The following NAA11 variants were observed in gnomAD, a reference collection of about 807,000 sequenced individuals.
NAA11 encodes N-alpha-acetyltransferase 11.
In NAA11, 15 loss-of-function variants were observed where a neutral mutation model predicts 16.1. That is an observed-to-expected ratio of 0.93 (90% CI 0.62 to 1.44). The LOEUF (loss-of-function observed/expected upper bound fraction) is 1.44. Ranked by LOEUF, NAA11 falls within the 40% of genes most tolerant of loss-of-function variation. The pLI, the probability that NAA11 is intolerant of heterozygous loss-of-function variation, is 0.00. For missense variants in NAA11, 298 were observed against 291.3 expected (o/e 1.02, Z -0.17); for synonymous variants, 122 against 112.4 (o/e 1.09, Z -0.54).
the NAA11 span, among the ~76,000 whole-genome samples, chr4:79,173,350 T>C: frequency 1.3e-5 from 2 of 152,094 alleles, no homozygotes; most frequent in Non-Finnish European, 2.9e-5. Flanking sequence ...TACTCTACGG[T>C]TGGCACCACA....
the NAA11 span, among the ~76,000 whole-genome samples, chr4:79,212,790 G>GTA: frequency 2.8e-3 from 422 of 149,326 alleles, 1 homozygote; most frequent in Non-Finnish European, 4.1e-3. Context: ...TTTATTATAG[G>GTA]TATATATATA....
intron 2 of NAA11, among the ~76,000 whole-genome samples, chr4:79,281,543 T>C (rs969723779): frequency 1.3e-5 from 2 of 152,054 alleles, no homozygotes; most frequent in African/African-American, 4.8e-5. Flanking sequence ...ACAAGTTCTT[T>C]GTTGTCGAGT....
intron 2 of NAA11, among the ~76,000 whole-genome samples, chr4:79,230,000 C>T (rs540834503): frequency 1.8e-4 from 27 of 151,882 alleles, no homozygotes; most frequent in African/African-American, 5.8e-4. Flanking sequence ...TTTATTCTTT[C>T]GACAGTTTAC....
At chr4:79,172,332 A>G in the NAA11 span, among the ~76,000 whole-genome samples, 4 of 152,114 alleles carry the variant, frequency 2.6e-5, no homozygotes, top group Non-Finnish European at 5.9e-5. Flanking sequence ...TCAAAATTAT[A>G]TATTTTTTAA....
chr4:79,216,299 T>A, the NAA11 span, among the ~76,000 whole-genome samples: 2 of 152,072 alleles, frequency 1.3e-5, no homozygotes, highest in Non-Finnish European at 2.9e-5. Flanking sequence ...TATTTGCACA[T>A]TTTTCCTGAG....
downstream of NAA11, among the ~76,000 whole-genome samples, chr4:79,222,229 T>C (rs1480419470): frequency 6.6e-6 from 1 of 152,228 alleles, no homozygotes; most frequent in Non-Finnish European, 1.5e-5. Flanking sequence ...ACATCCCCTT[T>C]ATCATTTTTT....
the NAA11 span, among the ~76,000 whole-genome samples, chr4:79,215,738 G>T: frequency 6.6e-6 from 1 of 152,190 alleles, no homozygotes; most frequent in Admixed American, 6.5e-5. Context: ...TAGCTAGCAT[G>T]ACTTGGACTT....
chr4:79,228,930 C>A (rs376451694), intron 2 of NAA11, among the ~76,000 whole-genome samples: 1 of 151,980 alleles, frequency 6.6e-6, no homozygotes, highest in African/African-American at 2.4e-5. Flanking sequence ...AGTCTCACAG[C>A]AAGTAGGAAC....
intron 1 of NAA11, among the ~76,000 whole-genome samples, chr4:79,303,677 G>A (rs1723477764): frequency 6.6e-6 from 1 of 152,144 alleles, no homozygotes; most frequent in African/African-American, 2.4e-5. Context: ...TTTGTTTTGG[G>A]AGAAGAATGT....
chr4:79,159,992 C>CT, the NAA11 span, among the ~76,000 whole-genome samples: 9,310 of 133,106 alleles, frequency 0.07, 896 homozygotes, highest in African/African-American at 0.22. Context: ...TTTCTACTTT[C>CT]TTTTTTTTTT....
At chr4:79,205,992 AT>A in the NAA11 span, among the ~76,000 whole-genome samples, 2 of 152,048 alleles carry the variant, frequency 1.3e-5, no homozygotes, top group Non-Finnish European at 2.9e-5. Context: ...TAACAGTACC[AT>A]GCTGTTTTGG....
chr4:79,310,623 T>C (rs1723745544), intron 1 of NAA11, among the ~76,000 whole-genome samples: 1 of 152,208 alleles, frequency 6.6e-6, no homozygotes, highest in African/African-American at 2.4e-5. Flanking sequence ...TGGCTCAAGA[T>C]GGCAGGACAC....
intron 2 of NAA11, among the ~76,000 whole-genome samples, chr4:79,264,109 G>C (rs894705885): frequency 6.6e-6 from 1 of 152,060 alleles, no homozygotes; most frequent in Non-Finnish European, 1.5e-5. Context: ...CAACACTTCC[G>C]CTCGTGCACT....
At chr4:79,297,338 A>G (rs1371842154) in intron 1 of NAA11, among the ~76,000 whole-genome samples, 1 of 152,152 alleles carries the variant, frequency 6.6e-6, no homozygotes, top group East Asian at 1.9e-4. Context: ...AGAGGAGTGG[A>G]CAGAGAGGGC....
intron 2 of NAA11, among the ~76,000 whole-genome samples, chr4:79,263,040 A>T (rs1359069862): frequency 6.6e-6 from 1 of 152,176 alleles, no homozygotes; most frequent in Admixed American, 6.6e-5. Context: ...AAATACATAG[A>T]TGCGTGTTAA....
chr4:79,262,223 C>T (rs1368479188), intron 2 of NAA11, among the ~76,000 whole-genome samples: 1 of 152,112 alleles, frequency 6.6e-6, no homozygotes, highest in African/African-American at 2.4e-5. Flanking sequence ...TGCTGAAAAA[C>T]ATGCAAAGAC....
chr4:79,176,874 G>T, the NAA11 span, among the ~76,000 whole-genome samples: 1 of 152,092 alleles, frequency 6.6e-6, no homozygotes, highest in Non-Finnish European at 1.5e-5. Flanking sequence ...TTAAATTGTA[G>T]CTGTGGACTG....
chr4:79,163,317 G>T, the NAA11 span, among the ~76,000 whole-genome samples: 1 of 152,166 alleles, frequency 6.6e-6, no homozygotes, highest in African/African-American at 2.4e-5. Flanking sequence ...TGACTACTGC[G>T]TGAGGCTTTG....
intron 2 of NAA11, chr4:79,244,612 C>T (rs1393374907): frequency 5.0e-5 from 4 of 79,646 alleles, no homozygotes; most frequent in African/African-American, 1.3e-4. Flanking sequence ...GAGTCTCACT[C>T]TCCCTCTCCC....
Sources: allele counts gnomAD v4.1 joint callset (sites outside exome capture counted in the v4.1 genomes callset), GRCh38; gene constraint gnomAD v4.1.1; transcripts MANE v1.5; gene names NCBI Gene and HGNC (gene_info 2026-07-23, HGNC 2026-07-21).